The following SLC2A2 variants were observed in gnomAD, a reference collection of about 807,000 sequenced individuals.
SLC2A2 encodes solute carrier family 2, facilitated glucose transporter member 2.
Under a neutral mutation model 54.5 loss-of-function variants are expected in SLC2A2, and 36 were observed. The ratio of observed to expected loss-of-function variants is 0.66; its 90% CI spans 0.51 to 0.87. SLC2A2 has a LOEUF of 0.87. Among genes scored for constraint, SLC2A2 ranks in the 40% least tolerant of loss-of-function variants. The probability of loss-of-function intolerance (pLI) is 0.00; values close to 1 mark genes in which losing one functional copy is unlikely to be tolerated. For synonymous variants in SLC2A2, 223 were observed against 219.1 expected (o/e 1.02, Z -0.16); for missense variants, 543 against 624.3 (o/e 0.87, Z 1.39).
At chr3:170,998,556 C>T (rs2108233584) in intron 9 of SLC2A2, among the ~76,000 whole-genome samples, 160 bp from the exon 10 acceptor site, 1 of 152,234 alleles carries the variant, frequency 6.6e-6, no homozygotes, top group East Asian at 1.9e-4. Context: ...TTATTCTAGT[C>T]TGAATCATGC....
Position 170,999,169 on chromosome 3 carries a change from A to T in SLC2A2, c.1069-3T>A. On this transcript the variant is annotated splice_region_variant and splice_polypyrimidine_tract_variant and intron_variant, in intron 8 of 10. Coordinates refer to ENST00000314251, the MANE Select transcript of SLC2A2 (RefSeq NM_000340.2). ...CCTGCCTTCTCCACAAGGAATACCTAGGACAATTTTAAAGAAATTATCTCA... is the reference window on the plus strand; with the variant it reads ...CCTGCCTTCTCCACAAGGAATACCTTGGACAATTTTAAAGAAATTATCTCA... The T allele has an allele frequency of 2.5e-6, 4 of 1,580,888 alleles. No individual in the cohort carries two copies. The highest frequency in any genetic ancestry group is 3.5e-6 in the Non-Finnish European group (4 of 1,150,016).
At chr3:171,021,460 C>T (rs1017024923) in intron 1 of SLC2A2, among the ~76,000 whole-genome samples, 1 of 152,198 alleles carries the variant, frequency 6.6e-6, no homozygotes, top group African/African-American at 2.4e-5. Context: ...AAATTACCAC[C>T]AGTGCAGCAG....
intron 1 of SLC2A2, among the ~76,000 whole-genome samples, chr3:171,019,095 GTGTA>G (rs1231356456): frequency 1.0e-4 from 8 of 76,616 alleles, no homozygotes; most frequent in South Asian, 4.8e-4. Flanking sequence ...ATGTGTGTGT[GTGTA>G]TATATATATA....
intron 2 of SLC2A2, among the ~76,000 whole-genome samples, chr3:171,017,702 T>G (rs570639264): frequency 7.2e-5 from 11 of 152,192 alleles, no homozygotes; most frequent in African/African-American, 7.2e-5. Context: ...TCATCAGTCT[T>G]GCCCTCAATG....
chr3:171,023,309 CT>C (rs1439553927), intron 1 of SLC2A2, among the ~76,000 whole-genome samples: 8 of 152,182 alleles, frequency 5.3e-5, no homozygotes, highest in Non-Finnish European at 7.3e-5. Context: ...ATCTCTGAAA[CT>C]GTTTAATGGC....
intron 6 of SLC2A2, 106 bp downstream of exon 6, chr3:171,005,837 A>G: frequency 8.5e-7 from 1 of 1,175,212 alleles, no homozygotes; most frequent in Non-Finnish European, 1.3e-6. Context: ...GCGATTTTGC[A>G]CATTCTTCTT....
chr3:171,005,842 C>A, intron 6 of SLC2A2, 101 bp downstream of exon 6: 3 of 1,229,854 alleles, frequency 2.4e-6, no homozygotes, highest in Non-Finnish European at 2.4e-6. Flanking sequence ...TTTGCACATT[C>A]TTCTTACATT....
intron 1 of SLC2A2, among the ~76,000 whole-genome samples, chr3:171,022,030 G>A (rs1716487593): frequency 6.6e-6 from 1 of 152,162 alleles, no homozygotes; most frequent in Non-Finnish European, 1.5e-5. Flanking sequence ...CATCTGTAAA[G>A]TCTTTTGCCA....
intron 4 of SLC2A2, 37 bp from the exon 5 acceptor site, chr3:171,007,300 C>G: frequency 1.7e-6 from 2 of 1,204,798 alleles, no homozygotes; most frequent in Non-Finnish European, 2.5e-6. Context: ...AAAGTGCAAC[C>G]AGGACTATCT....
intron 7 of SLC2A2, among the ~76,000 whole-genome samples, chr3:171,002,882 T>G (rs1715405188): frequency 6.6e-6 from 1 of 152,062 alleles, no homozygotes; most frequent in African/African-American, 2.4e-5. Context: ...TTAAACGTCC[T>G]CCTTATATTT....
intron 7 of SLC2A2, 73 bp from the exon 8 acceptor site, chr3:171,002,753 T>TAGATTG: frequency 1.2e-6 from 1 of 856,864 alleles, no homozygotes; most frequent in Non-Finnish European, 1.9e-6. Context: ...AGAAATATTT[T>TAGATTG]AGATTGTTTA....
Position 171,014,460 on chromosome 3 carries a change from T to G in SLC2A2, c.371+9A>C, listed in dbSNP as rs1560039742. The G allele has an allele frequency of 6.2e-7, 1 of 1,613,910 alleles. No homozygotes were observed. Among genetic ancestry groups the G allele is most frequent in the Admixed American group, 1.7e-5 (1 of 60,024 alleles). On this transcript the variant is annotated intron_variant, in intron 3 of 10. Transcript: ENST00000314251. ...TTTCTGTTTATGCTTATTTATGAAA[T>G]TTGCCTACCTTCCAAGTGTGTCCCC...
intron 1 of SLC2A2, among the ~76,000 whole-genome samples, chr3:171,023,072 A>G (rs761336834): frequency 4.6e-5 from 7 of 152,214 alleles, no homozygotes; most frequent in Non-Finnish European, 8.8e-5. Context: ...GTTTTTAAAC[A>G]TTTAGAAATC....
rs2108230752 is a variant in SLC2A2 at position 170,996,814 on chromosome 3, T to C, written c.*1089A>G. ...GGAACACACCATAAAACAATCAGTC[T>C]TTCCAGGAAAATTAAATAGGGATTT... On this transcript the variant is annotated 3_prime_UTR_variant, in exon 11 of 11. Coordinates refer to ENST00000314251, the MANE Select transcript of SLC2A2 (RefSeq NM_000340.2). The C allele has an allele frequency of 2.5e-6, 1 of 394,212 alleles. No individual in the cohort carries two copies. The highest frequency in any genetic ancestry group is 2.1e-5 in the African/African-American group (1 of 48,572). The allele number at this position is 394,212 out of a possible 1,614,324, so 24.4% of individuals were successfully genotyped here.
intron 1 of SLC2A2, among the ~76,000 whole-genome samples, chr3:171,019,339 G>A (rs1014190566): frequency 2.0e-5 from 3 of 151,706 alleles, no homozygotes; most frequent in Non-Finnish European, 4.4e-5. Flanking sequence ...GCATTAGCTA[G>A]CCTTTATCAT....
At position 171,007,078 on chromosome 3, in the gene SLC2A2, A is replaced by G. The variant is rs555757895; in HGVS notation, c.612+70T>C. On this transcript the variant is annotated intron_variant, in intron 5 of 10. Transcript: ENST00000314251. ...TGGAGGAAGTACAGTAGGGGATGCA[A>G]TAGTAGTAGTGGTACTGTAGAGGAT... The G allele has an allele frequency of 1.2e-5, 10 of 848,310 alleles. No individual in the cohort carries two copies. The South Asian group carries it at 1.2e-4, about 11-fold the overall frequency. 52.5% of individuals were successfully genotyped at this position (848,310 alleles called of 1,614,324 possible). A position where few individuals can be genotyped will look rare whatever the true frequency, so the allele number is the denominator to read the frequency against.
intron 2 of SLC2A2, among the ~76,000 whole-genome samples, chr3:171,015,116 G>T (rs1412497556): frequency 6.6e-6 from 1 of 152,164 alleles, no homozygotes; most frequent in Non-Finnish European, 1.5e-5. Context: ...TCAGAAATCT[G>T]AGTTTTTATG....
intron 7 of SLC2A2, among the ~76,000 whole-genome samples, chr3:171,003,639 A>C (rs1715447401): frequency 6.6e-6 from 1 of 151,906 alleles, no homozygotes; most frequent in Non-Finnish European, 1.5e-5. Context: ...TGTTGTAGCA[A>C]GACACATCAT....
At chr3:171,019,079 A>G (rs1206813357) in intron 1 of SLC2A2, among the ~76,000 whole-genome samples, 21 of 105,772 alleles carry the variant, frequency 2.0e-4, no homozygotes, top group African/African-American at 8.1e-4. Context: ...GTGTGTGTAT[A>G]TATATATGTG....
Sources: allele counts gnomAD v4.1 joint callset (sites outside exome capture counted in the v4.1 genomes callset), GRCh38; gene constraint gnomAD v4.1.1; transcripts MANE v1.5; gene names NCBI Gene and HGNC (gene_info 2026-07-23, HGNC 2026-07-21).